Variants in PDE4D observed in about 807,000 individuals in gnomAD.
PDE4D encodes the protein 3',5'-cyclic-AMP phosphodiesterase 4D.
A neutral mutation model predicts 87.4 loss-of-function variants in PDE4D; 24 were observed. That is an observed-to-expected ratio of 0.27 (90% CI 0.20 to 0.39). PDE4D has a LOEUF of 0.39. Ranked by LOEUF, PDE4D falls within the 10% of genes least tolerant of loss-of-function variation. The pLI is 1.00. For missense variants in PDE4D, 714 were observed against 1,041.0 expected (o/e 0.69, Z 4.32); for synonymous variants, 384 against 383.2 (o/e 1.00, Z -0.02).
intron 5 of PDE4D, among the ~76,000 whole-genome samples, chr5:59,171,655 G>A (rs1782778544): frequency 6.6e-6 from 1 of 151,284 alleles, no homozygotes; most frequent in South Asian, 2.1e-4. Context: ...TATTCTTGCT[G>A]GTCTTTTGTT....
At chr5:59,012,600 T>C (rs1052495515) in intron 6 of PDE4D, among the ~76,000 whole-genome samples, 5 of 152,158 alleles carry the variant, frequency 3.3e-5, no homozygotes, top group Non-Finnish European at 7.3e-5. Flanking sequence ...CAAGAAGAGC[T>C]AACTATCCTA....
At chr5:60,337,378 T>TACACACACACACACACAC (rs1561133956) in intron 1 of PDE4D, among the ~76,000 whole-genome samples, 19 of 114,564 alleles carry the variant, frequency 1.7e-4, no homozygotes, top group African/African-American at 7.4e-4. Context: ...TATATATATA[T>TACACACACACACACACAC]ATATATATAT....
At chr5:59,694,367 CTA>C (rs907289845) in intron 1 of PDE4D, among the ~76,000 whole-genome samples, 7 of 152,100 alleles carry the variant, frequency 4.6e-5, no homozygotes, top group African/African-American at 1.4e-4. Flanking sequence ...GTGGTTTACT[CTA>C]TGTCTATGTC....
At chr5:60,233,301 C>A (rs1323745780) in intron 1 of PDE4D, among the ~76,000 whole-genome samples, 2 of 151,676 alleles carry the variant, frequency 1.3e-5, no homozygotes, top group Non-Finnish European at 3.0e-5. Flanking sequence ...AAGTATTTTT[C>A]TAGGTAGCTG....
At chr5:59,570,824 A>G (rs1327687478) in intron 1 of PDE4D, among the ~76,000 whole-genome samples, 3 of 152,206 alleles carry the variant, frequency 2.0e-5, no homozygotes, top group Non-Finnish European at 4.4e-5. Flanking sequence ...AAATTTGTGG[A>G]TCAGAATTAG....
At chr5:59,202,485 C>T (rs1380794191) in intron 2 of PDE4D, among the ~76,000 whole-genome samples, 1 of 152,128 alleles carries the variant, frequency 6.6e-6, no homozygotes, top group African/African-American at 2.4e-5. Context: ...ACTTCAGCCT[C>T]CCAAGCAGTT....
intron 1 of PDE4D, among the ~76,000 whole-genome samples, chr5:59,377,167 C>T (rs1784865582): frequency 6.6e-6 from 1 of 152,068 alleles, no homozygotes; most frequent in African/African-American, 2.4e-5. Flanking sequence ...CCTGTAATCC[C>T]AGCACTTTGG....
At chr5:59,403,020 TC>T (rs1483162914) in intron 1 of PDE4D, among the ~76,000 whole-genome samples, 3 of 152,214 alleles carry the variant, frequency 2.0e-5, no homozygotes, top group Non-Finnish European at 4.4e-5. Context: ...TTTTGTTTTT[TC>T]TGGAGTTATA....
upstream of PDE4D, among the ~76,000 whole-genome samples, chr5:59,897,613 C>A (rs1009307269): frequency 2.0e-5 from 3 of 152,006 alleles, no homozygotes; most frequent in Non-Finnish European, 4.4e-5. Flanking sequence ...CATCCCACCC[C>A]CCGACAGGCC....
intron 1 of PDE4D, among the ~76,000 whole-genome samples, chr5:59,747,009 T>C (rs10043265): frequency 0.29 from 43,426 of 152,056 alleles, 7,358 homozygotes; most frequent in South Asian, 0.37. Flanking sequence ...CCTGTCTCTC[T>C]CCAGCGCAAA....
intron 1 of PDE4D, among the ~76,000 whole-genome samples, chr5:59,452,869 A>AG (rs1799375235): frequency 2.0e-5 from 3 of 152,244 alleles, no homozygotes; most frequent in African/African-American, 7.2e-5. Flanking sequence ...ATGGCTTAAC[A>AG]GATTTTCTCT....
At chr5:59,101,015 G>A (rs1305914831) in intron 5 of PDE4D, among the ~76,000 whole-genome samples, 1 of 152,170 alleles carries the variant, frequency 6.6e-6, no homozygotes, top group African/African-American at 2.4e-5. Context: ...CAATGGTCCT[G>A]TCCAGACCTG....
intron 1 of PDE4D, among the ~76,000 whole-genome samples, chr5:60,495,263 C>T (rs1656186952): frequency 6.6e-6 from 1 of 152,142 alleles, no homozygotes; most frequent in Non-Finnish European, 1.5e-5. Context: ...ACACAGAAAT[C>T]AGAGGAGTGG....
intron 1 of PDE4D, among the ~76,000 whole-genome samples, chr5:60,192,920 G>A (rs1785310437): frequency 6.6e-6 from 1 of 152,140 alleles, no homozygotes; most frequent in South Asian, 2.1e-4. Flanking sequence ...TTTTTTGTTC[G>A]TGGAATTGTT....
intron 2 of PDE4D, among the ~76,000 whole-genome samples, chr5:60,045,756 A>C (rs1420369149): frequency 1.3e-5 from 2 of 152,204 alleles, no homozygotes; most frequent in Middle Eastern, 3.4e-3. Context: ...TGCTGTTTTC[A>C]TTACTGTAGC....
chr5:59,172,086 A>G (rs1783001568), intron 5 of PDE4D, among the ~76,000 whole-genome samples: 1 of 43,188 alleles, frequency 2.3e-5, no homozygotes, highest in African/African-American at 1.0e-4. Context: ...TATATTATAT[A>G]TATAATAAAT....
At chr5:59,571,548 A>AT (rs1213347947) in intron 1 of PDE4D, among the ~76,000 whole-genome samples, 3 of 152,134 alleles carry the variant, frequency 2.0e-5, no homozygotes, top group Non-Finnish European at 2.9e-5. Context: ...CAAAGTTGTG[A>AT]TTTTTCTCAA....
intron 1 of PDE4D, among the ~76,000 whole-genome samples, chr5:60,331,620 G>A (rs907034190): frequency 6.6e-6 from 1 of 152,184 alleles, no homozygotes; most frequent in Non-Finnish European, 1.5e-5. Flanking sequence ...CCCAGACCAT[G>A]GCTTACATGG....
intron 1 of PDE4D, among the ~76,000 whole-genome samples, chr5:59,419,049 A>T (rs1398223604): frequency 2.6e-5 from 4 of 152,182 alleles, no homozygotes; most frequent in African/African-American, 9.7e-5. Flanking sequence ...GAAACAATAT[A>T]TGACTATCTA....
Sources: allele counts gnomAD v4.1 joint callset (sites outside exome capture counted in the v4.1 genomes callset), GRCh38; gene constraint gnomAD v4.1.1; transcripts MANE v1.5; gene names NCBI Gene and HGNC (gene_info 2026-07-23, HGNC 2026-07-21).